Variants in CNBD1 observed in about 807,000 individuals in gnomAD.
CNBD1 encodes cyclic nucleotide binding domain containing 1.
In CNBD1, 71 loss-of-function variants were observed where a neutral mutation model predicts 54.4. The ratio of observed to expected loss-of-function variants is 1.30; its 90% confidence interval spans 1.08 to 1.59. The LOEUF (loss-of-function observed/expected upper bound fraction) is 1.59. CNBD1 is among the 40% of genes most tolerant of loss of function. The pLI is 0.00. For synonymous variants in CNBD1, 182 were observed against 170.7 expected (o/e 1.07, Z -0.51); for missense variants, 659 against 518.0 (o/e 1.27, Z -2.64).
chr8:86,913,599 T>C (rs1306382472), intron 3 of CNBD1, among the ~76,000 whole-genome samples: 2 of 152,128 alleles, frequency 1.3e-5, no homozygotes, highest in Non-Finnish European at 1.5e-5. Flanking sequence ...TTAGCAATTT[T>C]CAAAGGGGAG....
intron 10 of CNBD1, among the ~76,000 whole-genome samples, chr8:87,359,962 A>T (rs1292337508): frequency 2.0e-5 from 3 of 152,060 alleles, no homozygotes; most frequent in African/African-American, 7.2e-5. Flanking sequence ...ATTTTTCAAG[A>T]ATTGTTAAAA....
chr8:87,294,350 T>C (rs1808837384), intron 8 of CNBD1, among the ~76,000 whole-genome samples: 1 of 152,216 alleles, frequency 6.6e-6, no homozygotes, highest in Admixed American at 6.5e-5. Context: ...TTCAGATCTC[T>C]ACCAGAGTGC....
chr8:87,015,693 A>G (rs1057064023), intron 4 of CNBD1, among the ~76,000 whole-genome samples: 4 of 151,798 alleles, frequency 2.6e-5, no homozygotes, highest in Admixed American at 1.3e-4. Context: ...AATATAGCAT[A>G]TTTTAGACAT....
chr8:87,081,897 AT>A (rs1354584667), intron 4 of CNBD1, among the ~76,000 whole-genome samples: 1 of 152,178 alleles, frequency 6.6e-6, no homozygotes, highest in African/African-American at 2.4e-5. Flanking sequence ...CTGTCTATGC[AT>A]TACTTAGATT....
intron 9 of CNBD1, among the ~76,000 whole-genome samples, chr8:87,352,995 A>G (rs898121241): frequency 4.6e-5 from 7 of 152,078 alleles, no homozygotes; most frequent in Non-Finnish European, 2.9e-5. Flanking sequence ...GTGGTCATCA[A>G]CTCCTAGCAA....
intron 4 of CNBD1, among the ~76,000 whole-genome samples, chr8:86,987,881 A>G (rs1808643625): frequency 6.6e-6 from 1 of 152,130 alleles, no homozygotes; most frequent in African/African-American, 2.4e-5. Context: ...TTTCTCATTT[A>G]CTGCTGGATT....
At chr8:87,377,220 T>C (rs1270039948) in intron 10 of CNBD1, among the ~76,000 whole-genome samples, 1 of 151,602 alleles carries the variant, frequency 6.6e-6, no homozygotes, top group Admixed American at 6.6e-5. Context: ...GTTACATATG[T>C]ATACATGTGC....
chr8:87,241,947 G>C (rs1179534920), intron 6 of CNBD1, among the ~76,000 whole-genome samples: 1 of 152,100 alleles, frequency 6.6e-6, no homozygotes. Context: ...TAAGCCCCCA[G>C]CCAACTGAAT....
intron 4 of CNBD1, among the ~76,000 whole-genome samples, chr8:87,109,983 T>C (rs752062846): frequency 2.0e-5 from 3 of 152,208 alleles, no homozygotes; most frequent in Admixed American, 2.0e-4. Context: ...ATTCCAATTT[T>C]GCTTCTTTCA....
chr8:87,307,776 G>A (rs994686920), intron 8 of CNBD1, among the ~76,000 whole-genome samples: 42 of 133,746 alleles, frequency 3.1e-4, no homozygotes, highest in African/African-American at 1.2e-3. Flanking sequence ...AACTTAGCAA[G>A]GATATTGCAA....
chr8:87,283,318 T>TG (rs1808630672), intron 6 of CNBD1, among the ~76,000 whole-genome samples: 1 of 152,086 alleles, frequency 6.6e-6, no homozygotes, highest in South Asian at 2.1e-4. Context: ...GTAGTTTCTT[T>TG]TAGGTTGTTC....
At chr8:87,363,040 T>C (rs1282155404) in intron 10 of CNBD1, among the ~76,000 whole-genome samples, 1 of 151,984 alleles carries the variant, frequency 6.6e-6, no homozygotes, top group Non-Finnish European at 1.5e-5. Flanking sequence ...TGTGTGATGT[T>C]CCCCTCCCTG....
At chr8:86,885,349 A>G (rs1194972199) in intron 1 of CNBD1, among the ~76,000 whole-genome samples, 1 of 152,120 alleles carries the variant, frequency 6.6e-6, no homozygotes, top group Non-Finnish European at 1.5e-5. Context: ...CGGTTTTTTA[A>G]TTTCTCAATG....
intron 6 of CNBD1, among the ~76,000 whole-genome samples, chr8:87,254,815 G>C (rs67826771): frequency 1.3e-5 from 2 of 151,954 alleles, no homozygotes; most frequent in African/African-American, 2.4e-5. Flanking sequence ...CGTTAGGTCA[G>C]TTCCTTGCTT....
chr8:87,414,189 G>T (rs1366091546), intron 2 of CNBD1, among the ~76,000 whole-genome samples: 1 of 152,020 alleles, frequency 6.6e-6, no homozygotes, highest in African/African-American at 2.4e-5. Flanking sequence ...ATACTATGCA[G>T]CCATAAAAAA....
intron 10 of CNBD1, among the ~76,000 whole-genome samples, chr8:87,373,458 A>T (rs1810861380): frequency 6.6e-6 from 1 of 151,866 alleles, no homozygotes. Flanking sequence ...TTTGAGACCA[A>T]TAATTAGTTA....
At chr8:86,875,874 T>G (rs958469995) in intron 1 of CNBD1, among the ~76,000 whole-genome samples, 2 of 152,254 alleles carry the variant, frequency 1.3e-5, no homozygotes, top group African/African-American at 4.8e-5. Flanking sequence ...TGCTATATTC[T>G]CTAATTGAAT....
intron 4 of CNBD1, among the ~76,000 whole-genome samples, chr8:87,108,500 A>C (rs1292412327): frequency 6.6e-6 from 1 of 152,268 alleles, no homozygotes. Context: ...TTGTGACATG[A>C]TATTTATGCA....
intron 4 of CNBD1, among the ~76,000 whole-genome samples, chr8:87,087,241 A>T (rs1477495347): frequency 7.0e-6 from 1 of 141,972 alleles, no homozygotes; most frequent in Non-Finnish European, 1.5e-5. Flanking sequence ...ACACATATAT[A>T]TATACGTATA....
Sources: allele counts gnomAD v4.1 joint callset (sites outside exome capture counted in the v4.1 genomes callset), GRCh38; gene constraint gnomAD v4.1.1; transcripts MANE v1.5; gene names NCBI Gene and HGNC (gene_info 2026-07-23, HGNC 2026-07-21).